Variants in ZNF142 observed in about 807,000 individuals in gnomAD.
ZNF142 encodes zinc finger protein 142 (clone pHZ-49).
A neutral mutation model predicts 132.1 loss-of-function variants in ZNF142; 96 were observed. The observed-to-expected ratio is 0.73, with a 90% CI of 0.62 to 0.86. The LOEUF is 0.86. ZNF142 is among the 40% of genes least tolerant of loss of function. The pLI is 0.00. For synonymous variants in ZNF142, 842 were observed against 890.1 expected (o/e 0.95, Z 0.96); for missense variants, 2,163 against 2,336.2 (o/e 0.93, Z 1.53).
intron 7 of ZNF142, among the ~76,000 whole-genome samples, chr2:218,646,779 GT>G (rs1334722843): frequency 6.6e-6 from 1 of 152,056 alleles, no homozygotes; most frequent in Non-Finnish European, 1.5e-5. Flanking sequence ...TAGAGATGGG[GT>G]TTCACCATGT....
chr2:218,642,968 C>T lies in ZNF142; in HGVS notation c.4148G>A (p.Ser1383Asn). Residue 1383 changes from serine to asparagine, a missense_variant, in exon 9 of 11, where the codon AGC becomes AAC. Transcript: ENST00000411696. This position sits in a 1 kb window ranked among gnomAD's most constrained non-coding sequence, Gnocchi z 4.6. Reference protein sequence around the residue: ...CGDCGFTCKQSRCMQQHRRLK... With the variant: ...CGDCGFTCKQNRCMQQHRRLK... ...CCGCCGGTGCTGCTGCATGCAACGG[C>T]TCTGTTTACAGGTGAAGCCACAGTC... 1 of 1,613,416 alleles carries T rather than the reference C, an allele frequency of 6.2e-7. No homozygotes were observed. Among genetic ancestry groups the T allele is most frequent in the South Asian group, 1.1e-5 (1 of 91,074 alleles).
At chr2:218,657,182 C>T (rs956471486) in intron 3 of ZNF142, among the ~76,000 whole-genome samples, 1 of 152,078 alleles carries the variant, frequency 6.6e-6, no homozygotes, top group Non-Finnish European at 1.5e-5. Flanking sequence ...AAGGCCCTTC[C>T]TTCATCATCT....
intron 4 of ZNF142, 108 bp downstream of exon 4, chr2:218,656,042 A>C: frequency 4.6e-6 from 6 of 1,317,198 alleles, no homozygotes; most frequent in Non-Finnish European, 6.0e-6. Context: ...AAGTATAAAA[A>C]TAGGATGCTA....
At chr2:218,641,269 T>G (rs1023856281) in intron 9 of ZNF142, among the ~76,000 whole-genome samples, 8 of 122,424 alleles carry the variant, frequency 6.5e-5, no homozygotes, top group Non-Finnish European at 1.2e-4. Context: ...TTTTTTGAGA[T>G]GGAGTCTCGC....
chr2:218,642,210 G>A lies in ZNF142; in HGVS notation c.4906C>T (p.Gln1636Ter). Reference protein sequence around the residue: ...CPFCDFTCRHQLVLDHHVKGH... With the variant: ...CPFCDFTCRH ...TTCACATGGTGATCTAGTACCAGCT[G>A]ATGGCGGCATGTGAAGTCACAAAAG... is the stretch of plus-strand genomic sequence containing the variant. Residue 1636 changes from glutamine (Q) to a stop codon, truncating the protein, a stop_gained, in exon 9 of 11, where the codon CAG becomes TAG. Coordinates refer to ENST00000411696, the MANE Select transcript of ZNF142 (RefSeq NM_001379659.1). LOFTEE classifies it high-confidence loss of function. The surrounding 1 kb of genome is among the most constrained non-coding windows in gnomAD (Gnocchi z 4.6). 1 of 1,614,238 alleles carries A rather than the reference G, an allele frequency of 6.2e-7. No homozygotes were observed.
Position 218,636,721 on chromosome 2 carries a change from T to A in ZNF142, c.*1618A>T. Reference sequence around the variant, plus strand: ...AGGCACAAAATTACCTCATTCTTCCTAACAAGCAATCTGGGACCTGATTTT... The same window carrying A: ...AGGCACAAAATTACCTCATTCTTCCAAACAAGCAATCTGGGACCTGATTTT... On this transcript the variant is annotated 3_prime_UTR_variant, in exon 11 of 11. Transcript: ENST00000411696. The A allele has an allele frequency of 1.2e-6, 1 of 859,230 alleles. No individual in the cohort carries two copies. The highest frequency in any genetic ancestry group is 1.8e-6 in the Non-Finnish European group (1 of 545,118). 53.2% of individuals were successfully genotyped at this position (859,230 alleles called of 1,614,324 possible). A position where few individuals can be genotyped will look rare whatever the true frequency, so the allele number is the denominator to read the frequency against.
chr2:218,656,910 T>C (rs1368450374), intron 3 of ZNF142, among the ~76,000 whole-genome samples: 2 of 151,158 alleles, frequency 1.3e-5, no homozygotes, highest in African/African-American at 2.4e-5. Flanking sequence ...CTCCGCCTCC[T>C]GGGTTCAAGC....
rs35920609 is a variant in ZNF142 at position 218,647,422 on chromosome 2, C to CAAAAAAAAA, written c.1874-1083_1874-1075dup. Among the ~76,000 whole-genome samples the CAAAAAAAAA allele has an allele frequency of 1.6e-4, 6 of 38,664 alleles. 3 individuals carry two copies. The highest frequency in any genetic ancestry group is 1.8e-4 in the African/African-American group (2 of 11,074). The allele number at this position is 38,664 out of a possible 152,430, so 25.4% of individuals were successfully genotyped here. On this transcript the variant is annotated intron_variant, in intron 7 of 10. Coordinates refer to ENST00000411696, the MANE Select transcript of ZNF142 (RefSeq NM_001379659.1). ...TGAGCAACAGAGCCAGACTCCATCT[C>CAAAAAAAAA]AAAAAAAAAAAAAGCCTCCTCCCCT... is the stretch of plus-strand genomic sequence containing the variant.
In ZNF142 at chr2:218,642,533, A is replaced by G; in HGVS notation, c.4583T>C (p.Leu1528Pro). The G allele has an allele frequency of 6.2e-7, 1 of 1,611,246 alleles. No individual in the cohort carries two copies. Among genetic ancestry groups the G allele is most frequent in the Non-Finnish European group, 8.5e-7 (1 of 1,178,536 alleles). The change falls in exon 9 of 11, where the codon CTG (leucine) becomes CCG (proline). Residue 1528 changes from leucine to proline, a missense_variant. Leu to Pro is a moderately conservative substitution (Grantham distance 98). This residue lies in a region of ZNF142 where 809 missense variants were observed against 801.7 expected (regional missense o/e 1.01). Coordinates refer to ENST00000411696, the MANE Select transcript of ZNF142 (RefSeq NM_001379659.1). This position sits in a 1 kb window ranked among gnomAD's most constrained non-coding sequence, Gnocchi z 4.6. ...CAGCAACCCACAGCGGGAACAGTGC[A>G]GGGGGCCCTCAGTGGTCTCTGCAGG... ...GSPAETTEGP[L>P]HCSRCGLLCP...
chr2:218,658,127 T>C (rs923950650), intron 3 of ZNF142, among the ~76,000 whole-genome samples: 2 of 152,226 alleles, frequency 1.3e-5, no homozygotes, highest in African/African-American at 4.8e-5. Context: ...GACAATTGAA[T>C]TGCATACCCT....
At position 218,633,457 on chromosome 2, in the gene ZNF142, T is replaced by C. The variant is rs1261712432; in HGVS notation, c.*4882A>G. The C allele has an allele frequency of 1.1e-5, 10 of 946,948 alleles. No homozygotes were observed. The highest frequency in any genetic ancestry group is 1.5e-5 in the Non-Finnish European group (9 of 601,206). The allele number at this position is 946,948 out of a possible 1,614,324, so 58.7% of individuals were successfully genotyped here. On this transcript the variant is annotated 3_prime_UTR_variant, in exon 11 of 11. Transcript: ENST00000411696. ...TGGCCCAGGCTCCTATTTCCAAGCCTGAGTCCCTTCTCTTGTCCCGGCAGG... is the reference window on the plus strand; with the variant it reads ...TGGCCCAGGCTCCTATTTCCAAGCCCGAGTCCCTTCTCTTGTCCCGGCAGG...
chr2:218,642,176 C>T lies in ZNF142; in HGVS notation c.4940G>A (p.Gly1647Glu), dbSNP rs749629699. ...LVLDHHVKGH[G>E]GTRLYKCTDC... is the part of the protein sequence containing the mutation. ...GGTGCACTTGTAGAGACGAGTGCCC[C>T]CATGCCCTTTCACATGGTGATCTAG... is the stretch of plus-strand genomic sequence containing the variant. Residue 1647 changes from glycine (G) to glutamate (E), a missense_variant, in exon 9 of 11, where the codon GGG becomes GAG. Around this residue, in one of 7 missense-constraint regions of ZNF142, gnomAD observed 325 missense variants for 367.8 expected, o/e 0.88. Coordinates refer to ENST00000411696, the MANE Select transcript of ZNF142 (RefSeq NM_001379659.1). The surrounding 1 kb of genome is among the most constrained non-coding windows in gnomAD (Gnocchi z 4.6). 1.1e-4 allele frequency: 178 copies of T among 1,614,084 alleles called. No individual in the cohort carries two copies. The South Asian group carries it at 1.5e-3, about 13-fold the overall frequency.
chr2:218,645,865 G>A (rs764122867), intron 8 of ZNF142, among the ~76,000 whole-genome samples: 4 of 152,184 alleles, frequency 2.6e-5, no homozygotes, highest in East Asian at 1.9e-4. Context: ...CGGCTCAAGC[G>A]ATTCTAGTGC....
chr2:218,646,282 T>G lies in ZNF142; in HGVS notation c.1940A>C (p.His647Pro). Residue 647 changes from histidine (H) to proline (P), a missense_variant, in exon 8 of 11, where the codon CAC becomes CCC. By Grantham distance (77) the His-to-Pro change is moderately conservative. This residue lies in a region of ZNF142 where 749 missense variants were observed against 830.3 expected (regional missense o/e 0.90). Coordinates refer to ENST00000411696, the MANE Select transcript of ZNF142 (RefSeq NM_001379659.1). ...CTTGGTGTTGGAGTGGGTCAGCATGTGCTTGGATAGGTAGCTCACGTCTCG... is the reference window on the plus strand; with the variant it reads ...CTTGGTGTTGGAGTGGGTCAGCATGGGCTTGGATAGGTAGCTCACGTCTCG... ...TCRDVSYLSKHMLTHSNTKDY... is the reference protein window; with the variant it reads ...TCRDVSYLSKPMLTHSNTKDY... 1 of 1,614,226 alleles carries G rather than the reference T, an allele frequency of 6.2e-7. No homozygotes were observed. The highest frequency in any genetic ancestry group is 8.5e-7 in the Non-Finnish European group (1 of 1,180,042).
At chr2:218,639,514 C>T (rs560570222) in intron 10 of ZNF142, among the ~76,000 whole-genome samples, 2 of 152,226 alleles carry the variant, frequency 1.3e-5, no homozygotes, top group Admixed American at 6.5e-5. Context: ...TTAAACACAA[C>T]GGCTTGTTCA....
chr2:218,640,167 C>G (rs1417218622), intron 10 of ZNF142, among the ~76,000 whole-genome samples: 2 of 145,820 alleles, frequency 1.4e-5, no homozygotes, highest in Non-Finnish European at 1.5e-5. Context: ...TGCTCCTAAT[C>G]AATTCCTCCA....
chr2:218,634,329 G>A lies in ZNF142; in HGVS notation c.*4010C>T, dbSNP rs1575042928. On this transcript the variant is annotated 3_prime_UTR_variant, in exon 11 of 11. Coordinates refer to ENST00000411696, the MANE Select transcript of ZNF142 (RefSeq NM_001379659.1). The surrounding 1 kb of genome is among the most constrained non-coding windows in gnomAD (Gnocchi z 4.0). ...GAATGCTCAAGAAAATTGCTAGGCT[G>A]AGAAATGCTATCAGTGGATATTACC... 1.9e-6 allele frequency: 3 copies of A among 1,572,874 alleles called. No homozygotes were observed. Among genetic ancestry groups the A allele is most frequent in the East Asian group, 4.6e-5 (2 of 43,842 alleles).
In ZNF142 at chr2:218,640,787, A is replaced by G; in HGVS notation, c.5089-18T>C. The G allele has an allele frequency of 6.2e-7, 1 of 1,602,516 alleles. No individual in the cohort carries two copies. Among genetic ancestry groups the G allele is most frequent in the South Asian group, 1.1e-5 (1 of 90,498 alleles). On this transcript the variant is annotated intron_variant, in intron 9 of 10. Transcript: ENST00000411696. The stretch of plus-strand genomic sequence containing the variant: ...ATGTGGTACTGGAAGAGGCAAGAGC[A>G]AAAAGCAGAAAATATAGTAAGTGCT...
In ZNF142 at chr2:218,656,432, C is replaced by A; in HGVS notation, c.-3G>T. ...GAGTCCAAAAGGGGGTCTGTCATCACCACCGACTTGTGTGTTTTGGCTTCT... is the reference window on the plus strand; with the variant it reads ...GAGTCCAAAAGGGGGTCTGTCATCAACACCGACTTGTGTGTTTTGGCTTCT... On this transcript the variant is annotated 5_prime_UTR_variant, in exon 4 of 11. Transcript: ENST00000411696. The A allele has an allele frequency of 7.1e-7, 1 of 1,407,646 alleles. No homozygotes were observed. The highest frequency in any genetic ancestry group is 9.3e-7 in the Non-Finnish European group (1 of 1,071,530). The allele number at this position is 1,407,646 out of a possible 1,614,324, so 87.2% of individuals were successfully genotyped here.
Sources: allele counts gnomAD v4.1 joint callset (sites outside exome capture counted in the v4.1 genomes callset), GRCh38; gene constraint gnomAD v4.1.1; regional missense constraint gnomAD v4.1.1; non-coding constraint Gnocchi (gnomAD v3.1); transcripts MANE v1.5; gene names NCBI Gene and HGNC (gene_info 2026-07-23, HGNC 2026-07-21).